ARHGEF12: variants seen among roughly 807,000 people sequenced by gnomAD.
The protein encoded by ARHGEF12 is Rho guanine nucleotide exchange factor 12, also known as KMT2A/ARHGEF12 fusion protein.
Under a neutral mutation model 211.2 loss-of-function variants are expected in ARHGEF12, and 66 were observed. The ratio of observed to expected loss-of-function variants is 0.31; its 90% confidence interval spans 0.26 to 0.38. ARHGEF12 has a LOEUF of 0.38. Ranked by LOEUF, ARHGEF12 falls within the 10% of genes least tolerant of loss-of-function variation. The pLI, the probability that ARHGEF12 is intolerant of heterozygous loss-of-function variation, is 1.00. For missense variants in ARHGEF12, 1,429 were observed against 1,869.5 expected (o/e 0.76, Z 4.34); for synonymous variants, 592 against 638.4 (o/e 0.93, Z 1.09).
At chr11:120,461,232 A>G (rs1946519079) in intron 27 of ARHGEF12, among the ~76,000 whole-genome samples, 1 of 152,186 alleles carries the variant, frequency 6.6e-6, no homozygotes, top group Admixed American at 6.5e-5. Flanking sequence ...CTTATGAAAT[A>G]TATTTCTTAA....
At chr11:120,471,267 C>T (rs2135956470) in intron 30 of ARHGEF12, among the ~76,000 whole-genome samples, 1 of 152,166 alleles carries the variant, frequency 6.6e-6, no homozygotes, top group South Asian at 2.1e-4. Flanking sequence ...AAATAGAATG[C>T]CCTGAGTGAT....
In ARHGEF12 at chr11:120,403,299, G is replaced by A. The variant is rs12288495; in HGVS notation, c.33-2819G>A. Among the ~76,000 whole-genome samples the A allele has an allele frequency of 5.0e-3, 765 of 152,262 alleles. 7 individuals carry two copies. Among genetic ancestry groups the A allele is most frequent in the African/African-American group, 0.018 (749 of 41,542 alleles). On this transcript the variant is annotated intron_variant, in intron 1 of 40. Transcript: ENST00000397843. ...AGGCAGGCTGATCACTTGAGGTCGG[G>A]AGTTCAAGATCAGCCTGGCCAACAT...
rs55816695 is a variant in ARHGEF12 at position 120,478,555 on chromosome 11, A to G, written c.3766+166A>G. ...TGCCACAGGCACACACACACATGCC[A>G]CTCTGTTAGCTCCCCACCCCCCTGC... On this transcript the variant is annotated intron_variant, in intron 37 of 40. Transcript: ENST00000397843. Among the ~76,000 whole-genome samples the G allele has an allele frequency of 7.3e-3, 1,108 of 152,250 alleles. 17 individuals are homozygous for G. Among genetic ancestry groups the G allele is most frequent in the African/African-American group, 0.025 (1,031 of 41,528 alleles).
chr11:120,380,665 A>G (rs753632166), intron 1 of ARHGEF12, among the ~76,000 whole-genome samples: 2 of 152,194 alleles, frequency 1.3e-5, no homozygotes, highest in African/African-American at 2.4e-5. Flanking sequence ...CTTGGTTAAG[A>G]TAGTGTTTGC....
intron 1 of ARHGEF12, among the ~76,000 whole-genome samples, chr11:120,376,750 G>A (rs770007340): frequency 4.0e-5 from 6 of 150,964 alleles, no homozygotes; most frequent in East Asian, 1.9e-4. Context: ...TTATTCTATC[G>A]AACTATATTT....
chr11:120,371,483 G>A (rs1279917625), intron 1 of ARHGEF12, among the ~76,000 whole-genome samples: 5 of 152,114 alleles, frequency 3.3e-5, no homozygotes, highest in African/African-American at 7.2e-5. Context: ...GCGAACCTCC[G>A]TCTCAAAAAA....
In ARHGEF12 at chr11:120,449,046, A is replaced by C. The variant is rs543515555; in HGVS notation, c.1738-63A>C. 36 of 1,392,952 alleles carry C rather than the reference A, an allele frequency of 2.6e-5. No individual in the cohort carries two copies. In the South Asian group the frequency reaches 4.2e-4, roughly 16 times the overall value. 86.3% of individuals were successfully genotyped at this position (1,392,952 alleles called of 1,614,324 possible). On this transcript the variant is annotated intron_variant, in intron 20 of 40. Coordinates refer to ENST00000397843, the MANE Select transcript of ARHGEF12 (RefSeq NM_015313.3). The stretch of plus-strand genomic sequence containing the variant: ...TTGAACTAACCATTAGCATTACACT[A>C]TGAAAATCGCAAAAGAAATTTACTC...
intron 4 of ARHGEF12, among the ~76,000 whole-genome samples, chr11:120,413,457 A>G (rs1022581245): frequency 1.2e-4 from 19 of 152,232 alleles, no homozygotes; most frequent in Admixed American, 1.2e-3. Context: ...TGAGATTGAC[A>G]TAGGAAGTAT....
At chr11:120,374,863 A>C (rs958897431) in intron 1 of ARHGEF12, among the ~76,000 whole-genome samples, 2 of 152,234 alleles carry the variant, frequency 1.3e-5, no homozygotes, top group Non-Finnish European at 2.9e-5. Context: ...TAGCTCTATT[A>C]AATTAAATCT....
intron 22 of ARHGEF12, among the ~76,000 whole-genome samples, chr11:120,453,830 G>A (rs1946282579): frequency 1.3e-5 from 2 of 152,182 alleles, no homozygotes. Flanking sequence ...ACCCTGGAGA[G>A]ACTTTGGGCT....
intron 1 of ARHGEF12, among the ~76,000 whole-genome samples, chr11:120,359,766 A>G (rs1943230049): frequency 6.6e-6 from 1 of 152,226 alleles, no homozygotes; most frequent in South Asian, 2.1e-4. Flanking sequence ...GGAGGACAGA[A>G]GTACTTTCAA....
intron 7 of ARHGEF12, among the ~76,000 whole-genome samples, 181 bp downstream of exon 7, chr11:120,424,596 G>A (rs1448255613): frequency 6.6e-6 from 1 of 152,188 alleles, no homozygotes; most frequent in Non-Finnish European, 1.5e-5. Context: ...AATGGGTGTG[G>A]CTGAGCTTCA....
chr11:120,457,230 G>A lies in ARHGEF12; in HGVS notation c.2169G>A (p.Glu723=), dbSNP rs1946389644. 1 of 1,614,052 alleles carries A rather than the reference G, an allele frequency of 6.2e-7. No individual in the cohort carries two copies. The highest frequency in any genetic ancestry group is 8.5e-7 in the Non-Finnish European group (1 of 1,179,940). ...CACCTCCATTAGACCAAGTGCAGGA[G>A]GAGGAATGTGAAGTAGAAAGGTAAT... ...FPPPPLDQVQ[E]EECEVERVTE... The change falls in exon 23 of 41, where the codon GAG becomes GAA. Residue 723 remains glutamate, a synonymous_variant. Coordinates refer to ENST00000397843, the MANE Select transcript of ARHGEF12 (RefSeq NM_015313.3).
At chr11:120,429,596 C>A (rs1336844471) in intron 9 of ARHGEF12, 79 bp downstream of exon 9, 57 of 1,569,548 alleles carry the variant, frequency 3.6e-5, no homozygotes, top group Admixed American at 2.8e-4. Flanking sequence ...TTATCAGTCA[C>A]AATCAAGCAG....
Position 120,440,147 on chromosome 11 carries a change from G to C in ARHGEF12, c.1018G>C (p.Gly340Arg). 6.2e-7 allele frequency: 1 copy of C among 1,612,574 alleles called. No homozygotes were observed. The highest frequency in any genetic ancestry group is 8.5e-7 in the Non-Finnish European group (1 of 1,179,230). The change falls in exon 13 of 41, where the codon GGA becomes CGA. Residue 340 changes from glycine (G) to arginine (R), a missense_variant. By Grantham distance (125) the Gly-to-Arg change is moderately radical. Transcript: ENST00000397843. Reference protein sequence around the residue: ...IQDTDTQSLVGSPSTRIAPHI... With the variant: ...IQDTDTQSLVRSPSTRIAPHI... ...TTGCCAGGACACTCAATCACTTGTCGGAAGTCCCTCAACCCGTATAGCACC... is the reference window on the plus strand; with the variant it reads ...TTGCCAGGACACTCAATCACTTGTCCGAAGTCCCTCAACCCGTATAGCACC...
chr11:120,345,348 C>A (rs1178570530), intron 1 of ARHGEF12, among the ~76,000 whole-genome samples: 1 of 152,244 alleles, frequency 6.6e-6, no homozygotes. Flanking sequence ...AGTAACTGTA[C>A]CATCCATATA....
chr11:120,429,581 G>C, intron 9 of ARHGEF12, 64 bp downstream of exon 9: 1 of 1,578,152 alleles, frequency 6.3e-7, no homozygotes. Context: ...TGGTTGAGTT[G>C]GTGTTTATCA....
At chr11:120,373,715 C>T (rs1476006552) in intron 1 of ARHGEF12, among the ~76,000 whole-genome samples, 1 of 151,608 alleles carries the variant, frequency 6.6e-6, no homozygotes, top group African/African-American at 2.4e-5. Context: ...GTTTTTTTCC[C>T]CCATATTCTC....
At chr11:120,403,247 C>A (rs1376735242) in intron 1 of ARHGEF12, among the ~76,000 whole-genome samples, 2 of 152,206 alleles carry the variant, frequency 1.3e-5, no homozygotes, top group Non-Finnish European at 2.9e-5. Flanking sequence ...CGGCTCACAC[C>A]TGTAATCCCA....
Sources: gnomAD v4.1 joint callset for allele counts (sites outside exome capture counted in the v4.1 genomes callset) on GRCh38, gnomAD v4.1.1 for gene constraint, MANE v1.5 for transcripts, NCBI Gene and HGNC (gene_info 2026-07-23, HGNC 2026-07-21) for gene names.